The following PDE10A variants were observed in gnomAD, a reference collection of about 807,000 sequenced individuals.
PDE10A encodes cAMP and cAMP-inhibited cGMP 3',5'-cyclic phosphodiesterase 10A.
Under a neutral mutation model 97.7 loss-of-function variants are expected in PDE10A, and 39 were observed. The observed-to-expected ratio is 0.40, with a 90% CI of 0.31 to 0.52. The LOEUF is 0.52. Ranked by LOEUF, PDE10A falls within the 20% of genes least tolerant of loss-of-function variation. The pLI is 0.56. For synonymous variants in PDE10A, 371 were observed against 376.8 expected, an observed-to-expected ratio of 0.98 and a Z score of 0.18; for missense variants, 731 against 1,047.8, an observed-to-expected ratio of 0.70 and a Z score of 4.17.
At chr6:165,340,913 G>A (rs1014004177) in intron 19 of PDE10A, among the ~76,000 whole-genome samples, 17 of 152,174 alleles carry the variant, frequency 1.1e-4, no homozygotes, top group African/African-American at 2.7e-4. Flanking sequence ...GATGGAATCC[G>A]AATTATTATC....
intron 18 of PDE10A, among the ~76,000 whole-genome samples, chr6:165,351,392 T>C (rs1282500243): frequency 2.6e-5 from 4 of 152,066 alleles, no homozygotes; most frequent in African/African-American, 9.7e-5. Flanking sequence ...GTCAAGATAA[T>C]GTAACTCCAG....
At chr6:165,843,089 C>T (rs977333372) in intron 1 of PDE10A, among the ~76,000 whole-genome samples, 4 of 152,218 alleles carry the variant, frequency 2.6e-5, no homozygotes, top group Admixed American at 6.5e-5. Flanking sequence ...CACCTGACAG[C>T]GTAGGGTCAG....
At chr6:165,964,419 C>CCTG (rs1217287094) in intron 1 of PDE10A, among the ~76,000 whole-genome samples, 1 of 152,182 alleles carries the variant, frequency 6.6e-6, no homozygotes, top group Non-Finnish European at 1.5e-5. Flanking sequence ...CTCCTGTTCT[C>CCTG]TTTTGTGTCA....
chr6:165,892,243 C>T (rs767026221), intron 1 of PDE10A, among the ~76,000 whole-genome samples: 1 of 152,126 alleles, frequency 6.6e-6, no homozygotes, highest in Non-Finnish European at 1.5e-5. Context: ...CTTCCTGGAC[C>T]ATGAGGTGAG....
At chr6:165,853,590 C>T (rs1780632029) in intron 1 of PDE10A, among the ~76,000 whole-genome samples, 1 of 152,110 alleles carries the variant, frequency 6.6e-6, no homozygotes, top group Non-Finnish European at 1.5e-5. Context: ...TAAGGAATCA[C>T]CTTGTGCCAC....
intron 1 of PDE10A, among the ~76,000 whole-genome samples, chr6:165,933,758 A>T (rs957837923): frequency 6.6e-6 from 1 of 152,188 alleles, no homozygotes; most frequent in Admixed American, 6.5e-5. Context: ...AAAGAAATTT[A>T]TACACAACAA....
intron 1 of PDE10A, among the ~76,000 whole-genome samples, chr6:165,881,682 G>A (rs999037683): frequency 2.0e-5 from 3 of 151,546 alleles, no homozygotes; most frequent in Non-Finnish European, 4.4e-5. Flanking sequence ...TCACAGGCAT[G>A]AGCCACTGAG....
chr6:165,422,338 C>A (rs200647423), intron 10 of PDE10A, among the ~76,000 whole-genome samples: 1 of 112,842 alleles, frequency 8.9e-6, no homozygotes, highest in East Asian at 2.6e-4. Context: ...CAGGCATACA[C>A]ACACACATAT....
chr6:165,392,259 C>T (rs1785777582), intron 16 of PDE10A, among the ~76,000 whole-genome samples: 1 of 152,170 alleles, frequency 6.6e-6, no homozygotes, highest in African/African-American at 2.4e-5. Flanking sequence ...GTCAAAAACA[C>T]TTATGTCTTC....
intron 18 of PDE10A, among the ~76,000 whole-genome samples, chr6:165,351,886 C>T (rs139184017): frequency 2.3e-4 from 35 of 152,276 alleles, no homozygotes; most frequent in African/African-American, 7.9e-4. Flanking sequence ...CTGAGTCTCA[C>T]TCTGATGCCC....
At chr6:165,405,948 G>T (rs890377275) in intron 13 of PDE10A, among the ~76,000 whole-genome samples, 1 of 152,090 alleles carries the variant, frequency 6.6e-6, no homozygotes, top group Admixed American at 6.5e-5. Flanking sequence ...AACCACCTAG[G>T]ATGTAGGGTC....
intron 1 of PDE10A, among the ~76,000 whole-genome samples, chr6:165,767,522 A>G (rs879314919): frequency 2.0e-5 from 3 of 152,210 alleles, no homozygotes; most frequent in Non-Finnish European, 4.4e-5. Flanking sequence ...TGCACTTCAC[A>G]TAAGTAGAAT....
chr6:165,619,099 G>A (rs1387021714), intron 1 of PDE10A, among the ~76,000 whole-genome samples: 2 of 151,700 alleles, frequency 1.3e-5, no homozygotes, highest in East Asian at 1.9e-4. Context: ...CTAGTGTAGT[G>A]TAGTCTAGTG....
intron 1 of PDE10A, among the ~76,000 whole-genome samples, chr6:165,718,925 C>T (rs1225159827): frequency 1.3e-5 from 2 of 151,948 alleles, no homozygotes; most frequent in Non-Finnish European, 2.9e-5. Context: ...GTTGTTAAAA[C>T]TATAATATTC....
chr6:165,873,254 G>A (rs1483238987), intron 1 of PDE10A, among the ~76,000 whole-genome samples: 9 of 152,064 alleles, frequency 5.9e-5, no homozygotes, highest in African/African-American at 1.4e-4. Context: ...AAACACCAAC[G>A]CTTTGAATTC....
intron 2 of PDE10A, among the ~76,000 whole-genome samples, chr6:165,537,881 C>A (rs763875559): frequency 4.6e-5 from 7 of 151,808 alleles, no homozygotes; most frequent in Non-Finnish European, 8.8e-5. Flanking sequence ...AGGTTTCATG[C>A]AAACCATTTC....
intron 3 of PDE10A, 105 bp downstream of exon 3, chr6:165,482,210 T>C: frequency 1.2e-6 from 1 of 828,102 alleles, no homozygotes; most frequent in South Asian, 1.4e-5. Flanking sequence ...ACTCAGTTTT[T>C]GCCATAATCT....
At chr6:165,696,924 A>G (rs1791456803) in intron 1 of PDE10A, among the ~76,000 whole-genome samples, 1 of 152,230 alleles carries the variant, frequency 6.6e-6, no homozygotes, top group South Asian at 2.1e-4. Flanking sequence ...AGAAGGACTC[A>G]TCAGTAAATA....
At chr6:165,396,774 A>G (rs1786201020) in intron 13 of PDE10A, among the ~76,000 whole-genome samples, 1 of 152,238 alleles carries the variant, frequency 6.6e-6, no homozygotes, top group African/African-American at 2.4e-5. Flanking sequence ...TAAAAATTAA[A>G]CACATTTTAT....
Sources: gnomAD v4.1 joint callset for allele counts (sites outside exome capture counted in the v4.1 genomes callset) on GRCh38, gnomAD v4.1.1 for gene constraint, MANE v1.5 for transcripts, NCBI Gene and HGNC (gene_info 2026-07-23, HGNC 2026-07-21) for gene names.